The following KHDC4 variants were observed in gnomAD, a reference collection of about 807,000 sequenced individuals.
KHDC4 encodes KH domain containing 4, pre-mRNA splicing factor.
Under a neutral mutation model 74.5 loss-of-function variants are expected in KHDC4, and 19 were observed. The observed-to-expected ratio is 0.26, with a 90% CI of 0.18 to 0.37. The LOEUF (loss-of-function observed/expected upper bound fraction) is 0.37, where lower values mean the gene tolerates loss of function less well. Ranked by LOEUF, KHDC4 falls within the 10% of genes least tolerant of loss-of-function variation. KHDC4 has a pLI of 1.00. For missense variants in KHDC4, 632 were observed against 754.1 expected (o/e 0.84, Z 1.90); for synonymous variants, 253 against 266.1 (o/e 0.95, Z 0.48).
At chr1:155,932,625 TC>T (rs1674164617) in intron 2 of KHDC4, 1 of 152,226 alleles carries the variant, frequency 6.6e-6, no homozygotes, top group Non-Finnish European at 1.5e-5. Context: ...TTTTAATTTT[TC>T]CTCATAAACC....
At position 155,921,633 on chromosome 1, in the gene KHDC4, G is replaced by A. The variant is rs770228111; in HGVS notation, c.1013-5C>T. The A allele has an allele frequency of 6.9e-6, 11 of 1,603,432 alleles. No individual in the cohort carries two copies. Among genetic ancestry groups the A allele is most frequent in the Admixed American group, 5.1e-5 (3 of 58,858 alleles). On this transcript the variant is annotated splice_polypyrimidine_tract_variant and splice_region_variant and intron_variant, in intron 9 of 13. Coordinates refer to ENST00000368321, the MANE Select transcript of KHDC4 (RefSeq NM_014949.4). ...TAGCAGAGGGTTGTGTATAGCCTGA[G>A]GGGGAAGAAAAAAAGTGTTTAATCA...
intron 11 of KHDC4, 33 bp from the exon 12 acceptor site, chr1:155,916,770 A>G (rs1673740126): frequency 7.1e-7 from 1 of 1,400,136 alleles, no homozygotes. Context: ...GCATTAGCAA[A>G]TCTACAACTG....
intron 10 of KHDC4, among the ~76,000 whole-genome samples, chr1:155,918,510 A>G (rs1673781734): frequency 6.6e-6 from 1 of 152,208 alleles, no homozygotes; most frequent in Non-Finnish European, 1.5e-5. Flanking sequence ...ACTGCAAGGC[A>G]ATTTTGTCAT....
Position 155,914,174 on chromosome 1 carries a change from G to A in KHDC4, c.1792C>T (p.Pro598Ser). The change falls in exon 14 of 14, where the codon CCT becomes TCT. Residue 598 changes from proline to serine, a missense_variant. Physicochemically the swap from Pro to Ser is moderately conservative, Grantham distance 74. Around this residue, in one of 4 missense-constraint regions of KHDC4, gnomAD observed 41 missense variants for 66.0 expected, o/e 0.62. Transcript: ENST00000368321. The part of the protein sequence containing the change: ...PQGWSLGYQY[P>S]SSQPRAKQQM... ...TGTTTAGCTCGTGGTTGTGATGAAG[G>A]ATATTGGTATCCCAAACTCCAGCCC... The A allele has an allele frequency of 1.2e-6, 2 of 1,614,122 alleles. No individual in the cohort carries two copies. The highest frequency in any genetic ancestry group is 1.7e-6 in the Non-Finnish European group (2 of 1,180,008).
intron 10 of KHDC4, among the ~76,000 whole-genome samples, chr1:155,920,957 C>T (rs561931939): frequency 9.1e-4 from 138 of 152,278 alleles, no homozygotes; most frequent in African/African-American, 3.2e-3. Flanking sequence ...CTGTGGCCTG[C>T]CACCTGTTTT....
At position 155,929,304 on chromosome 1, in the gene KHDC4, C is replaced by T. The variant is rs781560578; in HGVS notation, c.456G>A (p.Val152=). ...RFMTTEEKAK[V]GPGDRPLYLH... Reference sequence around the variant, plus strand: ...GATAAGAGAATACGCACCCTGGTCCCACTTTGGCTTTTTCCTCAGTTGTCA... The same window carrying T: ...GATAAGAGAATACGCACCCTGGTCCTACTTTGGCTTTTTCCTCAGTTGTCA... The change falls in exon 4 of 14, where the codon GTG becomes GTA. Residue 152 remains valine, a synonymous_variant. Coordinates refer to ENST00000368321, the MANE Select transcript of KHDC4 (RefSeq NM_014949.4). The T allele has an allele frequency of 6.2e-7, 1 of 1,612,178 alleles. No individual in the cohort carries two copies. Among genetic ancestry groups the T allele is most frequent in the African/African-American group, 1.3e-5 (1 of 74,870 alleles).
chr1:155,918,426 G>A (rs1673780270), intron 10 of KHDC4, among the ~76,000 whole-genome samples: 1 of 152,246 alleles, frequency 6.6e-6, no homozygotes, highest in South Asian at 2.1e-4. Context: ...TGATCCATCT[G>A]TCTCAGCTTC....
In KHDC4 at chr1:155,929,849, A is replaced by C. The variant is rs1310645336; in HGVS notation, c.256-9T>G. The C allele has an allele frequency of 6.4e-7, 1 of 1,550,598 alleles. No individual in the cohort carries two copies. The highest frequency in any genetic ancestry group is 2.1e-5 in the Admixed American group (1 of 47,712). Reference sequence around the variant, plus strand: ...TTGCCAGGAGCCTGAAGCTAGAAAAAAGAGAAATTAGATTAAAAAGTTTTT... The same window carrying C: ...TTGCCAGGAGCCTGAAGCTAGAAAACAGAGAAATTAGATTAAAAAGTTTTT... On this transcript the variant is annotated splice_polypyrimidine_tract_variant and intron_variant, in intron 2 of 13. Transcript: ENST00000368321.
intron 10 of KHDC4, 105 bp downstream of exon 10, chr1:155,921,270 G>C (rs1180238769): frequency 2.2e-6 from 3 of 1,363,070 alleles, no homozygotes; most frequent in Non-Finnish European, 3.1e-6. Context: ...GCAGGAAAAA[G>C]ACATTCCACA....
chr1:155,925,847 T>C lies in KHDC4; in HGVS notation c.682-4A>G. 1.3e-6 allele frequency: 2 copies of C among 1,590,732 alleles called. No homozygotes were observed. The highest frequency in any genetic ancestry group is 1.7e-6 in the Non-Finnish European group (2 of 1,158,814). On this transcript the variant is annotated splice_polypyrimidine_tract_variant and splice_region_variant and intron_variant, in intron 6 of 13. Transcript: ENST00000368321. ...ATTTATCTTGAACATAATGCATCTGTAGGAAGAACAGAATACTTCAGATTA... is the reference window on the plus strand; with the variant it reads ...ATTTATCTTGAACATAATGCATCTGCAGGAAGAACAGAATACTTCAGATTA...
Position 155,917,518 on chromosome 1 carries a change from G to C in KHDC4, c.1421C>G (p.Ser474Cys). The change falls in exon 11 of 14, where the codon TCT (serine) becomes TGT (cysteine). Residue 474 changes from serine to cysteine, a missense_variant. Transcript: ENST00000368321. ...TTTAACCTGGTATCCAAGCAGTCCA[G>C]ATTCCCGTTCATCTGGTAGCTCCTC... ...FTEELPDERE[S>C]GLLGYQHGPI... The C allele has an allele frequency of 6.6e-7, 1 of 1,523,218 alleles. No individual in the cohort carries two copies. Among genetic ancestry groups the C allele is most frequent in the Non-Finnish European group, 8.9e-7 (1 of 1,122,396 alleles). The allele number at this position is 1,523,218 out of a possible 1,614,324, so 94.4% of individuals were successfully genotyped here. A position where few individuals can be genotyped will look rare whatever the true frequency, so the allele number is the denominator to read the frequency against.
intron 10 of KHDC4, among the ~76,000 whole-genome samples, chr1:155,920,735 T>C (rs1474117482): frequency 6.6e-6 from 1 of 152,158 alleles, no homozygotes; most frequent in East Asian, 1.9e-4. Flanking sequence ...AGTCTCACTA[T>C]GTTGCCTAGG....
At chr1:155,926,655 C>T (rs770942338) in intron 6 of KHDC4, 21 bp downstream of exon 6, 40 of 1,611,852 alleles carry the variant, frequency 2.5e-5, no homozygotes, top group Non-Finnish European at 3.1e-5. Context: ...ATGCTATTAA[C>T]GATCCCTCCC....
Position 155,917,679 on chromosome 1 carries a change from C to T in KHDC4, c.1267-7G>A. 6.7e-7 allele frequency: 1 copy of T among 1,496,302 alleles called. No individual in the cohort carries two copies. The highest frequency in any genetic ancestry group is 8.9e-7 in the Non-Finnish European group (1 of 1,127,734). The allele number at this position is 1,496,302 out of a possible 1,614,324, so 92.7% of individuals were successfully genotyped here. On this transcript the variant is annotated splice_polypyrimidine_tract_variant and splice_region_variant and intron_variant, in intron 10 of 13. Coordinates refer to ENST00000368321, the MANE Select transcript of KHDC4 (RefSeq NM_014949.4). ...AAGGACCACCCATCGGACTCTGGGACCAAAACAAACCAAGGAAGAAAAAAA... is the reference window on the plus strand; with the variant it reads ...AAGGACCACCCATCGGACTCTGGGATCAAAACAAACCAAGGAAGAAAAAAA...
intron 2 of KHDC4, among the ~76,000 whole-genome samples, chr1:155,930,170 C>T (rs940136876): frequency 2.0e-5 from 3 of 152,194 alleles, no homozygotes; most frequent in Non-Finnish European, 4.4e-5. Context: ...ACCTCGGCCT[C>T]CCAAAGTGCT....
chr1:155,929,672 C>T (rs373999962), intron 3 of KHDC4, 40 bp downstream of exon 3: 12 of 1,591,026 alleles, frequency 7.5e-6, no homozygotes, highest in Non-Finnish European at 8.5e-6. Context: ...TATCTGAATC[C>T]ACTCACCGCC....
At chr1:155,927,027 CTT>C in intron 5 of KHDC4, 75 bp downstream of exon 5, 2 of 1,448,302 alleles carry the variant, frequency 1.4e-6, no homozygotes. Context: ...ATCAGGGACA[CTT>C]TGCCAACTTG....
At chr1:155,926,277 G>A (rs1673993424) in intron 6 of KHDC4, among the ~76,000 whole-genome samples, 1 of 150,396 alleles carries the variant, frequency 6.6e-6, no homozygotes, top group Non-Finnish European at 1.5e-5. Context: ...TTCGGGATTG[G>A]AATTTGGAAT....
At chr1:155,916,934 G>T in intron 11 of KHDC4, 197 bp from the exon 12 acceptor site, 2 of 463,002 alleles carry the variant, frequency 4.3e-6, no homozygotes, top group Admixed American at 3.9e-5. Flanking sequence ...ACTTGGACAG[G>T]GGTGTTATAA....
Sources: allele counts gnomAD v4.1 joint callset (sites outside exome capture counted in the v4.1 genomes callset), GRCh38; gene constraint gnomAD v4.1.1; regional missense constraint gnomAD v4.1.1; transcripts MANE v1.5; gene names NCBI Gene and HGNC (gene_info 2026-07-23, HGNC 2026-07-21).